Variants in PDCD4 observed in about 807,000 individuals in gnomAD.
PDCD4 encodes the protein programmed cell death protein 4.
PDCD4 carries 56 observed loss-of-function variants against 54.0 expected under a neutral mutation model. The ratio of observed to expected loss-of-function variants is 1.04; its 90% confidence interval spans 0.84 to 1.30. PDCD4 has a LOEUF of 1.30. Among genes scored for constraint, PDCD4 ranks in the 50% most tolerant of loss-of-function variants. The probability of loss-of-function intolerance (pLI) is 0.00; values close to 1 mark genes in which losing one functional copy is unlikely to be tolerated. For missense variants in PDCD4, 584 were observed against 559.8 expected (o/e 1.04, Z -0.44); for synonymous variants, 186 against 194.8 (o/e 0.95, Z 0.37).
intron 11 of PDCD4, among the ~76,000 whole-genome samples, chr10:110,897,274 A>T (rs1197164400): frequency 3.9e-5 from 6 of 152,242 alleles, no homozygotes; most frequent in Non-Finnish European, 7.3e-5. Flanking sequence ...TACATACCAT[A>T]CAGCTTTGAC....
At chr10:110,873,911 C>T (rs1845462466) in intron 1 of PDCD4, among the ~76,000 whole-genome samples, 1 of 152,056 alleles carries the variant, frequency 6.6e-6, no homozygotes, top group South Asian at 2.1e-4. Flanking sequence ...GACGGAATGC[C>T]TTCTGTATAA....
chr10:110,887,550 A>C (rs767610731), intron 5 of PDCD4, 115 bp from the exon 6 acceptor site: 6 of 639,328 alleles, frequency 9.4e-6, no homozygotes, highest in Non-Finnish European at 1.6e-5. Context: ...ATTATTTCCA[A>C]AGAGTGAGAC....
At chr10:110,885,951 A>G (rs897154358) in intron 5 of PDCD4, among the ~76,000 whole-genome samples, 4 of 152,214 alleles carry the variant, frequency 2.6e-5, no homozygotes, top group Non-Finnish European at 5.9e-5. Context: ...TTAAAGTAAT[A>G]CAATTGTAAC....
At chr10:110,897,994 T>A (rs1398791810) in intron 11 of PDCD4, 34 bp from the exon 12 acceptor site, 2 of 1,487,522 alleles carry the variant, frequency 1.3e-6, no homozygotes, top group Non-Finnish European at 1.8e-6. Flanking sequence ...AGAATTTGTA[T>A]CTGTTTTCAT....
At chr10:110,872,986 G>C (rs993264314) in intron 1 of PDCD4, among the ~76,000 whole-genome samples, 7 of 152,094 alleles carry the variant, frequency 4.6e-5, no homozygotes, top group African/African-American at 1.7e-4. Flanking sequence ...ATTAGGTGTC[G>C]GGGAAAAAAG....
chr10:110,895,927 C>T, intron 10 of PDCD4, 21 bp from the exon 11 acceptor site: 1 of 1,536,750 alleles, frequency 6.5e-7, no homozygotes, highest in Non-Finnish European at 8.8e-7. Flanking sequence ...AACAATTCTG[C>T]ATGTAATTTC....
At chr10:110,887,275 TACCATGTAGCC>T (rs1242524970) in intron 5 of PDCD4, among the ~76,000 whole-genome samples, 1 of 152,186 alleles carries the variant, frequency 6.6e-6, no homozygotes, top group Non-Finnish European at 1.5e-5. Context: ...CAATAGGTTA[TACCATGTAGCC>T]TACATGTAGG....
At chr10:110,897,369 A>G (rs189168941) in intron 11 of PDCD4, among the ~76,000 whole-genome samples, 143 of 152,320 alleles carry the variant, frequency 9.4e-4, no homozygotes, top group African/African-American at 3.3e-3. Flanking sequence ...GCCTGGGGTC[A>G]GAGAGTAAGG....
At chr10:110,893,399 T>G (rs1845785509) in intron 8 of PDCD4, among the ~76,000 whole-genome samples, 1 of 150,432 alleles carries the variant, frequency 6.6e-6, no homozygotes, top group African/African-American at 2.5e-5. Context: ...CAACTAGATA[T>G]GTGCCCACCA....
chr10:110,887,970 T>C (rs546371659), intron 6 of PDCD4, 84 bp downstream of exon 6: 17 of 853,514 alleles, frequency 2.0e-5, no homozygotes, highest in Non-Finnish European at 3.0e-5. Context: ...TAGGAAATTT[T>C]AGTAGATGGA....
intron 5 of PDCD4, among the ~76,000 whole-genome samples, chr10:110,887,098 A>G (rs775100508): frequency 2.0e-5 from 3 of 152,206 alleles, no homozygotes; most frequent in Non-Finnish European, 4.4e-5. Context: ...TGAACTAGCC[A>G]TGAGCTGCAT....
intron 1 of PDCD4, among the ~76,000 whole-genome samples, chr10:110,873,415 A>G (rs1200298278): frequency 2.0e-5 from 3 of 152,230 alleles, no homozygotes; most frequent in Admixed American, 2.0e-4. Flanking sequence ...GCAATTTATG[A>G]GGTATATTTC....
intron 3 of PDCD4, 55 bp downstream of exon 3, chr10:110,881,590 C>A: frequency 6.8e-7 from 1 of 1,469,904 alleles, no homozygotes; most frequent in Non-Finnish European, 9.3e-7. Context: ...AAAAAATTGT[C>A]TGGTTCTTGT....
rs1845450236 is a variant in PDCD4 at position 110,873,270 on chromosome 10, T to C, written c.-63+1252T>C. 2.0e-5 allele frequency among the ~76,000 whole-genome samples: 3 copies of C among 152,242 alleles called. No homozygotes were observed. The South Asian group carries it at 6.2e-4, about 31-fold the overall frequency. On this transcript the variant is annotated intron_variant, in intron 1 of 11. Coordinates refer to ENST00000280154, the MANE Select transcript of PDCD4 (RefSeq NM_014456.5). ...AATGCCGCTTGAATATTATCTGTAG[T>C]GCTTGCTTTTGCATTACTGTAGTAG...
At chr10:110,876,710 T>A in intron 2 of PDCD4, 1 of 1,310,380 alleles carries the variant, frequency 7.6e-7, no homozygotes, top group Non-Finnish European at 1.0e-6. Flanking sequence ...AATAGCATGT[T>A]ATTATCATAA....
chr10:110,894,702 G>A (rs1845804865), intron 10 of PDCD4, among the ~76,000 whole-genome samples, 180 bp downstream of exon 10: 1 of 148,962 alleles, frequency 6.7e-6, no homozygotes, highest in Non-Finnish European at 1.5e-5. Context: ...CCATTTTTTG[G>A]AAAGTAACAC....
chr10:110,896,766 CTTAAG>C (rs1845840146), intron 11 of PDCD4, among the ~76,000 whole-genome samples: 1 of 152,008 alleles, frequency 6.6e-6, no homozygotes, highest in Admixed American at 6.6e-5. Flanking sequence ...TTTATATAAT[CTTAAG>C]TTCTTATAAT....
intron 1 of PDCD4, among the ~76,000 whole-genome samples, chr10:110,873,416 G>A (rs1412930942): frequency 6.6e-6 from 1 of 152,172 alleles, no homozygotes; most frequent in Non-Finnish European, 1.5e-5. Context: ...CAATTTATGA[G>A]GTATATTTCA....
chr10:110,879,419 C>T (rs1307453576), intron 2 of PDCD4, among the ~76,000 whole-genome samples: 2 of 152,128 alleles, frequency 1.3e-5, no homozygotes, highest in Non-Finnish European at 2.9e-5. Flanking sequence ...GTAATCCCAG[C>T]ACTTTGGGAG....
Sources: allele counts gnomAD v4.1 joint callset (sites outside exome capture counted in the v4.1 genomes callset), GRCh38; gene constraint gnomAD v4.1.1; transcripts MANE v1.5; gene names NCBI Gene and HGNC (gene_info 2026-07-23, HGNC 2026-07-21).